The following SGCZ variants were observed in gnomAD, a reference collection of about 807,000 sequenced individuals.
The protein encoded by SGCZ is zeta-sarcoglycan.
SGCZ carries 40 observed loss-of-function variants against 41.3 expected under a neutral mutation model. The ratio of observed to expected loss-of-function variants is 0.97; its 90% CI spans 0.75 to 1.26. The LOEUF (loss-of-function observed/expected upper bound fraction) is 1.26. SGCZ is among the 50% of genes most tolerant of loss of function. The pLI is 0.00. For missense variants in SGCZ, 552 were observed against 369.8 expected (o/e 1.49, Z -4.04); for synonymous variants, 206 against 137.5 (o/e 1.50, Z -3.49).
chr8:14,967,034 T>C (rs1563397810), intron 1 of SGCZ, among the ~76,000 whole-genome samples: 1 of 152,164 alleles, frequency 6.6e-6, no homozygotes, highest in Non-Finnish European at 1.5e-5. Context: ...CCAGGCACTG[T>C]GTTAAGCACC....
At chr8:14,456,125 T>C (rs1484916778) in intron 2 of SGCZ, among the ~76,000 whole-genome samples, 1 of 152,068 alleles carries the variant, frequency 6.6e-6, no homozygotes, top group African/African-American at 2.4e-5. Flanking sequence ...TTTGCAGAGG[T>C]AGGACACGCA....
At chr8:14,743,076 T>C (rs972422163) in intron 1 of SGCZ, among the ~76,000 whole-genome samples, 4 of 152,070 alleles carry the variant, frequency 2.6e-5, no homozygotes, top group African/African-American at 9.7e-5. Flanking sequence ...TGGATTTTCT[T>C]AGAGTTAAAA....
At chr8:14,261,822 A>G (rs868460207) in intron 3 of SGCZ, among the ~76,000 whole-genome samples, 1 of 152,200 alleles carries the variant, frequency 6.6e-6, no homozygotes, top group Non-Finnish European at 1.5e-5. Context: ...GGATATAGAA[A>G]GAATATATTA....
At chr8:14,260,210 T>C (rs1177509700) in intron 3 of SGCZ, among the ~76,000 whole-genome samples, 7 of 152,036 alleles carry the variant, frequency 4.6e-5, no homozygotes, top group Non-Finnish European at 5.9e-5. Context: ...GACAAAGGGC[T>C]AATATCCAGA....
At chr8:14,345,255 T>C (rs1391763229) in intron 2 of SGCZ, among the ~76,000 whole-genome samples, 1 of 152,064 alleles carries the variant, frequency 6.6e-6, no homozygotes, top group Non-Finnish European at 1.5e-5. Context: ...GAGTCAGAAA[T>C]CTTAAAAAGA....
intron 1 of SGCZ, among the ~76,000 whole-genome samples, chr8:14,922,623 C>T (rs1452182498): frequency 6.6e-6 from 1 of 152,054 alleles, no homozygotes; most frequent in Non-Finnish European, 1.5e-5. Flanking sequence ...CTCAATAGAA[C>T]TTCACCTTGA....
At chr8:14,164,846 A>T in intron 4 of SGCZ, 144 bp from the exon 5 acceptor site, 1 of 1,081,684 alleles carries the variant, frequency 9.2e-7, no homozygotes, top group South Asian at 1.7e-5. Context: ...AGTATCTTTA[A>T]ATTGTCACCA....
intron 1 of SGCZ, among the ~76,000 whole-genome samples, chr8:15,185,322 A>G (rs901505356): frequency 5.9e-5 from 9 of 152,226 alleles, no homozygotes; most frequent in African/African-American, 2.2e-4. Context: ...CTAGAAATGT[A>G]TGAGAATTAA....
intron 1 of SGCZ, among the ~76,000 whole-genome samples, chr8:15,014,436 G>C (rs755083716): frequency 5.3e-5 from 8 of 152,182 alleles, no homozygotes; most frequent in Non-Finnish European, 1.0e-4. Flanking sequence ...TGTAAATGAA[G>C]GCTGGTTTTT....
At chr8:14,686,070 G>A (rs1011925342) in intron 1 of SGCZ, among the ~76,000 whole-genome samples, 2 of 151,964 alleles carry the variant, frequency 1.3e-5, no homozygotes, top group Non-Finnish European at 2.9e-5. Context: ...TTTCGTCTCG[G>A]GAAGACTTTG....
intron 4 of SGCZ, among the ~76,000 whole-genome samples, chr8:14,228,349 A>G (rs1043897449): frequency 3.7e-4 from 56 of 152,130 alleles, no homozygotes; most frequent in Admixed American, 2.2e-3. Flanking sequence ...CTAATAAAAT[A>G]TCTAAAAGAG....
chr8:14,642,551 C>A (rs1176203135), intron 1 of SGCZ, among the ~76,000 whole-genome samples: 1 of 151,402 alleles, frequency 6.6e-6, no homozygotes, highest in Admixed American at 6.6e-5. Flanking sequence ...GTTTAACACT[C>A]TCAGTGAGAT....
At chr8:14,868,567 G>C (rs563251707) in intron 1 of SGCZ, among the ~76,000 whole-genome samples, 2 of 152,076 alleles carry the variant, frequency 1.3e-5, no homozygotes, top group East Asian at 3.9e-4. Context: ...ATTTTCTGGA[G>C]AGAGTAATTG....
intron 3 of SGCZ, among the ~76,000 whole-genome samples, chr8:14,294,557 T>C (rs1800948774): frequency 6.6e-6 from 1 of 151,904 alleles, no homozygotes; most frequent in South Asian, 2.1e-4. Context: ...TGTGAAAAAA[T>C]TGTTAAATCA....
At chr8:15,159,783 A>T (rs1344243064) in intron 1 of SGCZ, among the ~76,000 whole-genome samples, 3 of 109,472 alleles carry the variant, frequency 2.7e-5, no homozygotes, top group Non-Finnish European at 5.3e-5. Context: ...ATGGTGTCTG[A>T]ATCAGCTTAA....
chr8:15,066,336 A>G, intron 1 of SGCZ, among the ~76,000 whole-genome samples: 1 of 149,176 alleles, frequency 6.7e-6, no homozygotes, highest in Non-Finnish European at 1.5e-5. Flanking sequence ...AAAAAAAAAG[A>G]AGTCCACCTT....
chr8:14,237,714 T>G (rs781089346), intron 3 of SGCZ, 35 bp from the exon 4 acceptor site: 1 of 1,567,656 alleles, frequency 6.4e-7, no homozygotes, highest in Non-Finnish European at 8.7e-7. Context: ...AAATAGAAAA[T>G]AGAAATATCG....
chr8:15,019,853 G>A (rs577299346), intron 1 of SGCZ, among the ~76,000 whole-genome samples: 19 of 146,804 alleles, frequency 1.3e-4, no homozygotes, highest in East Asian at 2.0e-4. Flanking sequence ...GTTCTGCTTC[G>A]GACATACTAG....
In SGCZ at chr8:14,767,306, T is replaced by C. The variant is rs567194372; in HGVS notation, c.40-212380A>G. On this transcript the variant is annotated intron_variant, in intron 1 of 7. Coordinates refer to ENST00000382080, the MANE Select transcript of SGCZ (RefSeq NM_139167.4). Reference sequence around the variant, plus strand: ...TGACTGAATCACAGGAGAGTGTTTTTCTTTATACATATTTGGCTTAGTTGT... The same window carrying C: ...TGACTGAATCACAGGAGAGTGTTTTCCTTTATACATATTTGGCTTAGTTGT... Among the ~76,000 whole-genome samples, 13 of 152,310 alleles carry C rather than the reference T, an allele frequency of 8.5e-5. No individual in the cohort carries two copies. The East Asian group carries it at 2.5e-3, about 29-fold the overall frequency.
Sources: allele counts gnomAD v4.1 joint callset (sites outside exome capture counted in the v4.1 genomes callset), GRCh38; gene constraint gnomAD v4.1.1; transcripts MANE v1.5; gene names NCBI Gene and HGNC (gene_info 2026-07-23, HGNC 2026-07-21).